The following THSD7A variants were observed in gnomAD, a reference collection of about 807,000 sequenced individuals.
The protein encoded by THSD7A is thrombospondin type 1 domain containing 7A, also known as thrombospondin type-1 domain-containing protein 7A.
A neutral mutation model predicts 231.3 loss-of-function variants in THSD7A; 96 were observed. The ratio of observed to expected loss-of-function variants is 0.41; its 90% CI spans 0.35 to 0.49. The LOEUF is 0.49. Ranked by LOEUF, THSD7A falls within the 20% of genes least tolerant of loss-of-function variation. The pLI, the probability that THSD7A is intolerant of heterozygous loss-of-function variation, is 0.05. For missense variants in THSD7A, 2,290 were observed against 2,070.2 expected, an observed-to-expected ratio of 1.11 and a Z score of -2.06; for synonymous variants, 940 against 743.3, an observed-to-expected ratio of 1.26 and a Z score of -4.30.
chr7:11,727,689 T>G (rs960401698), intron 1 of THSD7A, among the ~76,000 whole-genome samples: 1 of 151,954 alleles, frequency 6.6e-6, no homozygotes, highest in African/African-American at 2.4e-5. Flanking sequence ...ACATTTGATA[T>G]TTCTAATATT....
chr7:11,383,901 C>A (rs1782624568), intron 23 of THSD7A: 1 of 151,934 alleles, frequency 6.6e-6, no homozygotes. Context: ...TTTGCAACTA[C>A]AATCTGTGTA....
At chr7:11,395,648 C>T (rs762236235) in intron 23 of THSD7A, among the ~76,000 whole-genome samples, 1 of 151,976 alleles carries the variant, frequency 6.6e-6, no homozygotes, top group Non-Finnish European at 1.5e-5. Flanking sequence ...CTGCCTCAGC[C>T]TCCCGAGTAG....
At chr7:11,725,941 G>A (rs1368808453) in intron 1 of THSD7A, among the ~76,000 whole-genome samples, 4 of 151,942 alleles carry the variant, frequency 2.6e-5, no homozygotes, top group African/African-American at 9.7e-5. Flanking sequence ...CAAATATATT[G>A]AAAATAACTT....
At chr7:11,552,780 T>G (rs1359088995) in intron 4 of THSD7A, among the ~76,000 whole-genome samples, 2 of 151,996 alleles carry the variant, frequency 1.3e-5, no homozygotes, top group East Asian at 3.9e-4. Context: ...ATGGTACCGA[T>G]CAACAGGAGA....
chr7:11,725,453 T>A (rs1333683181), intron 1 of THSD7A, among the ~76,000 whole-genome samples: 1 of 152,000 alleles, frequency 6.6e-6, no homozygotes, highest in African/African-American at 2.4e-5. Flanking sequence ...TTGTTTGGCT[T>A]TGAATGGTAG....
At chr7:11,383,840 A>G (rs1175245238) in intron 23 of THSD7A, 2 of 152,042 alleles carry the variant, frequency 1.3e-5, no homozygotes, top group African/African-American at 2.4e-5. Flanking sequence ...TGCGGTTCAG[A>G]GACCCTGGGA....
chr7:11,379,574 C>G, intron 25 of THSD7A, 56 bp downstream of exon 25: 2 of 1,441,972 alleles, frequency 1.4e-6, no homozygotes, highest in East Asian at 2.5e-5. Flanking sequence ...GCATAAGAGA[C>G]AGTGGGGTGA....
chr7:11,503,933 A>G (rs1214088395), intron 6 of THSD7A, among the ~76,000 whole-genome samples: 3 of 152,202 alleles, frequency 2.0e-5, no homozygotes, highest in African/African-American at 7.2e-5. Flanking sequence ...CAGAAGTACC[A>G]TTTGGTCCAG....
At chr7:11,740,848 C>T (rs1175775853) in intron 1 of THSD7A, among the ~76,000 whole-genome samples, 1 of 151,982 alleles carries the variant, frequency 6.6e-6, no homozygotes, top group African/African-American at 2.4e-5. Flanking sequence ...ATTTACTTGT[C>T]TTGTTCCATA....
intron 1 of THSD7A, among the ~76,000 whole-genome samples, chr7:11,766,058 A>AATAGCT (rs1296238520): frequency 1.3e-5 from 2 of 152,172 alleles, no homozygotes; most frequent in Non-Finnish European, 2.9e-5. Context: ...GCTAAAAGTG[A>AATAGCT]AAAAAATACA....
intron 23 of THSD7A, 141 bp downstream of exon 23, chr7:11,401,654 C>G (rs368461982): frequency 1.4e-5 from 10 of 693,752 alleles, no homozygotes; most frequent in Non-Finnish European, 2.2e-5. Context: ...TCAGGTGATC[C>G]GCCCACCTAG....
intron 1 of THSD7A, among the ~76,000 whole-genome samples, chr7:11,756,402 G>C (rs1289260325): frequency 1.3e-5 from 2 of 152,038 alleles, no homozygotes; most frequent in Non-Finnish European, 2.9e-5. Context: ...AGGAGAGAAA[G>C]AATGTGGGAA....
chr7:11,400,325 AAG>A (rs1253369508), intron 23 of THSD7A, among the ~76,000 whole-genome samples: 3 of 152,162 alleles, frequency 2.0e-5, no homozygotes, highest in East Asian at 1.9e-4. Flanking sequence ...AAAATTAAAA[AAG>A]AATTTATTCA....
At chr7:11,819,111 T>C (rs768353253) in intron 1 of THSD7A, among the ~76,000 whole-genome samples, 12 of 152,238 alleles carry the variant, frequency 7.9e-5, no homozygotes, top group South Asian at 2.1e-4. Flanking sequence ...ATCATGTTAG[T>C]AGGGAACTGC....
In THSD7A at chr7:11,401,413, ATTAT is replaced by A. The variant is rs557347456; in HGVS notation, c.4411+378_4411+381del. Among the ~76,000 whole-genome samples the A allele has an allele frequency of 8.5e-4, 130 of 152,096 alleles. 1 individual carries two copies. The highest frequency in any genetic ancestry group is 3.1e-3 in the African/African-American group (129 of 41,504). On this transcript the variant is annotated intron_variant, in intron 23 of 27. Transcript: ENST00000423059. ...AAGTGACATCTGAGTAAATTTTTAAATTATTTATTTATTTATTTTTGAGATGGAA... is the reference window on the plus strand; with the variant it reads ...AAGTGACATCTGAGTAAATTTTTAAATTATTTATTTATTTTTGAGATGGAA...
chr7:11,496,688 G>A (rs1027606507), intron 6 of THSD7A, among the ~76,000 whole-genome samples: 1 of 152,172 alleles, frequency 6.6e-6, no homozygotes. Context: ...CTAATTTTTA[G>A]AAGCAGGAGA....
intron 1 of THSD7A, among the ~76,000 whole-genome samples, chr7:11,707,994 A>C (rs185560603): frequency 3.6e-4 from 54 of 150,894 alleles, no homozygotes; most frequent in Admixed American, 5.3e-4. Flanking sequence ...AGGAACACTA[A>C]CATGTCAAAC....
intron 11 of THSD7A, among the ~76,000 whole-genome samples, chr7:11,449,548 T>C (rs566311567): frequency 6.6e-5 from 10 of 152,080 alleles, no homozygotes; most frequent in Admixed American, 3.9e-4. Context: ...TGGCTGAACA[T>C]TGTATGAACT....
At chr7:11,535,710 G>GT (rs1433190969) in intron 6 of THSD7A, among the ~76,000 whole-genome samples, 7 of 152,040 alleles carry the variant, frequency 4.6e-5, no homozygotes, top group African/African-American at 1.7e-4. Flanking sequence ...TTTAAAAGAA[G>GT]TTTTTTCTAC....
Sources: allele counts gnomAD v4.1 joint callset (sites outside exome capture counted in the v4.1 genomes callset), GRCh38; gene constraint gnomAD v4.1.1; transcripts MANE v1.5; gene names NCBI Gene and HGNC (gene_info 2026-07-23, HGNC 2026-07-21).